The following SMARCA2 variants were observed in gnomAD, a reference collection of about 807,000 sequenced individuals.
SMARCA2 encodes the protein SWI/SNF related BAF chromatin remodeling complex subunit ATPase 2, also known as SWI/SNF-related matrix-associated actin-dependent regulator of chromatin subfamily A member 2.
In SMARCA2, 61 loss-of-function variants were observed where a neutral mutation model predicts 199.8. The observed-to-expected ratio is 0.31, with a 90% confidence interval of 0.25 to 0.38. The LOEUF (loss-of-function observed/expected upper bound fraction) is 0.38, where lower values mean the gene tolerates loss of function less well. Among genes scored for constraint, SMARCA2 ranks in the 10% least tolerant of loss-of-function variants. The pLI, the probability that SMARCA2 is intolerant of heterozygous loss-of-function variation, is 1.00. For synonymous variants in SMARCA2, 935 were observed against 732.0 expected, an observed-to-expected ratio of 1.28 and a Z score of -4.48; for missense variants, 1,344 against 2,012.2, an observed-to-expected ratio of 0.67 and a Z score of 6.35.
chr9:2,123,934 A>G lies in SMARCA2; in HGVS notation c.3978A>G (p.Leu1326=), dbSNP rs2130626871. The part of the protein sequence containing the change: ...YSDALTEKQW[L]RAIEDGNLEE... ...ACGCCCTCACGGAGAAGCAGTGGCT[A>G]AGGGTAAGCCTAGCTTTTCTAACCC... Residue 1326 remains leucine (L), a synonymous_variant, in exon 27 of 34, where the codon CTA becomes CTG. Transcript: ENST00000349721. The surrounding 1 kb of genome is among the most constrained non-coding windows in gnomAD (Gnocchi z 4.1). 3.2e-6 allele frequency: 5 copies of G among 1,562,594 alleles called. No individual in the cohort carries two copies. The highest frequency in any genetic ancestry group is 4.3e-6 in the Non-Finnish European group (5 of 1,153,130).
intron 3 of SMARCA2, among the ~76,000 whole-genome samples, chr9:2,038,211 C>T (rs933041979): frequency 2.6e-5 from 4 of 152,138 alleles, no homozygotes; most frequent in Non-Finnish European, 5.9e-5. Flanking sequence ...TTAAAGCTCC[C>T]AAAAGTTAAT....
chr9:2,099,804 C>T (rs1454399320), intron 21 of SMARCA2, among the ~76,000 whole-genome samples: 2 of 152,150 alleles, frequency 1.3e-5, no homozygotes, highest in African/African-American at 4.8e-5. Flanking sequence ...TCCCTGGGGA[C>T]CTTAAACTCA....
intron 30 of SMARCA2, 35 bp from the exon 31 acceptor site, chr9:2,182,106 C>G (rs1266875715): frequency 2.2e-6 from 3 of 1,369,850 alleles, no homozygotes; most frequent in Non-Finnish European, 3.1e-6. Flanking sequence ...TCCTCTCCCT[C>G]TTTTTTTCTC....
At position 2,174,950 on chromosome 9, in the gene SMARCA2, A is replaced by G. The variant is rs1586792552; in HGVS notation, c.4253+4478A>G. The stretch of plus-strand genomic sequence containing the variant: ...AAAAAAAAAAAAAAAAAAAAAAAAA[A>G]AAGGAAATGGAGAGGCAGGAAAGGA... On this transcript the variant is annotated intron_variant, in intron 29 of 33. Coordinates refer to ENST00000349721, the MANE Select transcript of SMARCA2 (RefSeq NM_003070.5). Among the ~76,000 whole-genome samples the G allele has an allele frequency of 2.7e-5, 4 of 145,516 alleles. No homozygotes were observed. The South Asian group carries it at 6.6e-4, about 24-fold the overall frequency.
At chr9:2,076,091 A>T (rs964487469) in intron 12 of SMARCA2, 138 bp from the exon 13 acceptor site, 8 of 624,824 alleles carry the variant, frequency 1.3e-5, no homozygotes, top group South Asian at 4.0e-5. Flanking sequence ...TAGATGTTAC[A>T]TTTACTTCCT....
rs981815246 is a variant in SMARCA2 at position 2,169,331 on chromosome 9, G to C, written c.4200-1088G>C. ...TTGTAACTTTAGAACTCTTCACAGC[G>C]GCCCCGTTGCCTACCCGATGATGAC... On this transcript the variant is annotated intron_variant, in intron 28 of 33. Coordinates refer to ENST00000349721, the MANE Select transcript of SMARCA2 (RefSeq NM_003070.5). The surrounding 1 kb of genome is among the most constrained non-coding windows in gnomAD (Gnocchi z 6.5). Among the ~76,000 whole-genome samples the C allele has an allele frequency of 1.3e-5, 2 of 152,066 alleles. No homozygotes were observed. Among genetic ancestry groups the C allele is most frequent in the African/African-American group, 4.8e-5 (2 of 41,414 alleles).
intron 27 of SMARCA2, among the ~76,000 whole-genome samples, chr9:2,143,001 G>A (rs1204175594): frequency 6.6e-6 from 1 of 152,098 alleles, no homozygotes; most frequent in Non-Finnish European, 1.5e-5. Flanking sequence ...AACAGATTTC[G>A]GGATGATAGG....
chr9:2,019,808 G>A (rs1043915661), intron 1 of SMARCA2, among the ~76,000 whole-genome samples: 32 of 149,894 alleles, frequency 2.1e-4, no homozygotes, highest in Admixed American at 2.0e-4. Context: ...GTCCTCCAGT[G>A]TTTTCTTGTT....
At chr9:2,192,217 A>T (rs543460027) in intron 33 of SMARCA2, 2 of 179,020 alleles carry the variant, frequency 1.1e-5, no homozygotes, top group East Asian at 3.6e-4. Context: ...CACCCACATT[A>T]TTTTCTTTCT....
At chr9:2,127,701 T>C (rs2130639800) in intron 27 of SMARCA2, among the ~76,000 whole-genome samples, 1 of 152,356 alleles carries the variant, frequency 6.6e-6, no homozygotes, top group African/African-American at 2.4e-5. Context: ...GGTCTGGCTG[T>C]GAGCCCAGGA....
chr9:2,137,922 T>C (rs1037148539), intron 27 of SMARCA2, among the ~76,000 whole-genome samples: 3 of 152,222 alleles, frequency 2.0e-5, no homozygotes, highest in African/African-American at 7.2e-5. Flanking sequence ...TCCTGTTAGA[T>C]TCCAGTGATC....
intron 19 of SMARCA2, among the ~76,000 whole-genome samples, chr9:2,094,790 G>C (rs1366102170): frequency 6.6e-6 from 1 of 152,108 alleles, no homozygotes; most frequent in African/African-American, 2.4e-5. Flanking sequence ...AAAGCACTTT[G>C]CACAGGGCTT....
chr9:2,055,053 A>T (rs968277831), intron 6 of SMARCA2, among the ~76,000 whole-genome samples: 2 of 152,222 alleles, frequency 1.3e-5, no homozygotes, highest in East Asian at 3.8e-4. Flanking sequence ...TATGACTCCA[A>T]GGAAAAACCA....
At chr9:2,097,184 G>C in intron 20 of SMARCA2, 1 of 521,234 alleles carries the variant, frequency 1.9e-6, no homozygotes. Flanking sequence ...TTTTTTTGTA[G>C]CGTAAGTTAA....
chr9:2,096,543 A>C, intron 19 of SMARCA2, 114 bp from the exon 20 acceptor site: 1 of 692,064 alleles, frequency 1.4e-6, no homozygotes, highest in Admixed American at 2.2e-5. Flanking sequence ...GAATCCAAGA[A>C]AGAGAAAGAG....
Position 2,153,050 on chromosome 9 carries a change from A to T in SMARCA2, c.3982-8636A>T, listed in dbSNP as rs1235782628. 2.0e-5 allele frequency among the ~76,000 whole-genome samples: 3 copies of T among 152,016 alleles called. No individual in the cohort carries two copies. In the South Asian group the frequency reaches 6.2e-4, roughly 31 times the overall value. ...ATGACCCAGAGGAAGTGATAATGGC[A>T]AAAACAAACAAACAACCAAAAAAAC... On this transcript the variant is annotated intron_variant, in intron 27 of 33. Coordinates refer to ENST00000349721, the MANE Select transcript of SMARCA2 (RefSeq NM_003070.5).
intron 27 of SMARCA2, among the ~76,000 whole-genome samples, chr9:2,150,142 C>T (rs1824988305): frequency 6.6e-6 from 1 of 151,634 alleles, no homozygotes; most frequent in South Asian, 2.1e-4. Flanking sequence ...AAGAGCTAGT[C>T]ATCTCCTTCA....
At chr9:2,065,391 A>G (rs1217969075) in intron 9 of SMARCA2, among the ~76,000 whole-genome samples, 1 of 152,170 alleles carries the variant, frequency 6.6e-6, no homozygotes, top group Non-Finnish European at 1.5e-5. Flanking sequence ...ACTAGACCAG[A>G]TATAGTCTTC....
chr9:2,024,416 C>G (rs931217082), intron 1 of SMARCA2, among the ~76,000 whole-genome samples: 1 of 152,096 alleles, frequency 6.6e-6, no homozygotes, highest in Non-Finnish European at 1.5e-5. Context: ...TATCAGACTT[C>G]CAGAGTTGTG....
Sources: gnomAD v4.1 joint callset for allele counts (sites outside exome capture counted in the v4.1 genomes callset) on GRCh38, gnomAD v4.1.1 for gene constraint, Gnocchi (gnomAD v3.1) non-coding constraint, MANE v1.5 for transcripts, NCBI Gene and HGNC (gene_info 2026-07-23, HGNC 2026-07-21) for gene names.